The following DNAJC3 variants were observed in gnomAD, a reference collection of about 807,000 sequenced individuals.
The protein encoded by DNAJC3 is dnaJ homolog subfamily C member 3.
In DNAJC3, 38 loss-of-function variants were observed where a neutral mutation model predicts 68.6. The observed-to-expected ratio is 0.55, with a 90% CI of 0.43 to 0.73. DNAJC3 has a LOEUF of 0.73. Ranked by LOEUF, DNAJC3 falls within the 30% of genes least tolerant of loss-of-function variation. DNAJC3 has a pLI of 0.00. For synonymous variants in DNAJC3, 203 were observed against 204.0 expected, an observed-to-expected ratio of 1.00 and a Z score of 0.04; for missense variants, 526 against 591.9, an observed-to-expected ratio of 0.89 and a Z score of 1.16.
chr13:95,714,412 T>TAAA lies in DNAJC3; in HGVS notation c.193+5090_193+5092dup, dbSNP rs58381820. ...TCCTTCTCTGTCTTGCTTTTTTTCT[T>TAAA]AAAAAAAAAAAAAAAAAGGTGCAGT... is the stretch of plus-strand genomic sequence containing the variant. On this transcript the variant is annotated intron_variant, in intron 2 of 11. Transcript: ENST00000602402. 5.1e-3 allele frequency among the ~76,000 whole-genome samples: 694 copies of TAAA among 135,296 alleles called. 6 individuals are homozygous for TAAA. The highest frequency in any genetic ancestry group is 0.018 in the African/African-American group (651 of 37,114). 88.8% of individuals were successfully genotyped at this position (135,296 alleles called of 152,430 possible).
intron 4 of DNAJC3, among the ~76,000 whole-genome samples, chr13:95,741,498 A>G (rs1045202235): frequency 6.6e-6 from 1 of 152,178 alleles, no homozygotes; most frequent in African/African-American, 2.4e-5. Flanking sequence ...AAGGTGGCGT[A>G]TGCTGGCATT....
chr13:95,727,432 ACTTGTAGAGTGTT>A (rs910092363), intron 4 of DNAJC3, among the ~76,000 whole-genome samples: 2 of 152,164 alleles, frequency 1.3e-5, no homozygotes, highest in African/African-American at 4.8e-5. Context: ...TGGCAGTCAT[ACTTGTAGAGTGTT>A]CTTAAAGCAA....
chr13:95,734,256 T>C (rs1488046168), intron 4 of DNAJC3, among the ~76,000 whole-genome samples: 1 of 152,196 alleles, frequency 6.6e-6, no homozygotes, highest in African/African-American at 2.4e-5. Context: ...AAAGGCTTTA[T>C]TTTTCTCCTT....
intron 1 of DNAJC3, among the ~76,000 whole-genome samples, chr13:95,681,466 T>G (rs987421109): frequency 6.6e-6 from 1 of 152,180 alleles, no homozygotes; most frequent in Non-Finnish European, 1.5e-5. Flanking sequence ...TCCTCCCATC[T>G]CAGCCTCCTG....
intron 1 of DNAJC3, among the ~76,000 whole-genome samples, chr13:95,701,102 T>G (rs888349121): frequency 2.6e-5 from 4 of 152,200 alleles, no homozygotes; most frequent in Non-Finnish European, 5.9e-5. Flanking sequence ...TTCCTTCAGG[T>G]TTCAGGTGAG....
chr13:95,691,749 C>T (rs909125023), intron 1 of DNAJC3, among the ~76,000 whole-genome samples: 13 of 152,230 alleles, frequency 8.5e-5, no homozygotes, highest in African/African-American at 2.9e-4. Context: ...CGCCACTGCA[C>T]TCCAGCCTGG....
intron 4 of DNAJC3, among the ~76,000 whole-genome samples, chr13:95,730,314 A>G (rs1321397771): frequency 2.0e-5 from 3 of 152,132 alleles, no homozygotes; most frequent in African/African-American, 7.2e-5. Context: ...TTAGTTTAAT[A>G]TAATACCATT....
intron 1 of DNAJC3, among the ~76,000 whole-genome samples, chr13:95,696,414 A>G (rs1484730094): frequency 6.6e-6 from 1 of 152,152 alleles, no homozygotes; most frequent in Non-Finnish European, 1.5e-5. Flanking sequence ...ATTGAAACTA[A>G]GATTGCCCAC....
At chr13:95,719,451 A>G (rs1881250704) in intron 2 of DNAJC3, among the ~76,000 whole-genome samples, 1 of 152,170 alleles carries the variant, frequency 6.6e-6, no homozygotes, top group Admixed American at 6.6e-5. Context: ...AACCTTCAAC[A>G]ACCCGAGGAG....
chr13:95,731,931 G>A (rs1881730298), intron 4 of DNAJC3, among the ~76,000 whole-genome samples: 1 of 147,670 alleles, frequency 6.8e-6, no homozygotes, highest in African/African-American at 2.5e-5. Flanking sequence ...TTTGAGACTG[G>A]GTCGCACTTT....
intron 2 of DNAJC3, among the ~76,000 whole-genome samples, chr13:95,716,424 G>A (rs753895789): frequency 4.6e-5 from 7 of 152,316 alleles, no homozygotes; most frequent in Non-Finnish European, 7.4e-5. Context: ...CTTCAGCTAC[G>A]CCATCTGCAG....
intron 2 of DNAJC3, among the ~76,000 whole-genome samples, chr13:95,712,374 CTT>C (rs71113952): frequency 1.1e-4 from 15 of 135,164 alleles, no homozygotes; most frequent in Admixed American, 1.5e-4. Context: ...ATGCTTTTTT[CTT>C]TTTTTTTTTT....
At chr13:95,723,496 C>A in intron 3 of DNAJC3, 130 bp downstream of exon 3, 1 of 997,148 alleles carries the variant, frequency 1.0e-6, no homozygotes, top group African/African-American at 1.6e-5. Flanking sequence ...ATGTTGTGGA[C>A]TGAGGAACAA....
intron 9 of DNAJC3, among the ~76,000 whole-genome samples, chr13:95,767,850 T>G (rs1752923030): frequency 6.6e-6 from 1 of 151,502 alleles, no homozygotes; most frequent in Non-Finnish European, 1.5e-5. Context: ...CCACCACACC[T>G]GGCTTTTTTT....
intron 4 of DNAJC3, 87 bp downstream of exon 4, chr13:95,725,339 A>G: frequency 1.1e-6 from 1 of 926,422 alleles, no homozygotes. Context: ...GTTAATAGTA[A>G]TTTTATAGCT....
chr13:95,785,433 A>G (rs1883569278), intron 9 of DNAJC3, among the ~76,000 whole-genome samples: 1 of 139,860 alleles, frequency 7.2e-6, no homozygotes, highest in African/African-American at 2.7e-5. Context: ...CTCAGTTTTC[A>G]TTATTATGCC....
chr13:95,771,177 G>A (rs1193283905), intron 9 of DNAJC3, among the ~76,000 whole-genome samples: 1 of 152,064 alleles, frequency 6.6e-6, no homozygotes, highest in African/African-American at 2.4e-5. Flanking sequence ...TCATTAACTT[G>A]AATTTGTTTA....
At chr13:95,723,427 GT>G in intron 3 of DNAJC3, 61 bp downstream of exon 3, 1 of 1,560,006 alleles carries the variant, frequency 6.4e-7, no homozygotes, top group South Asian at 1.2e-5. Context: ...GAGATAATTT[GT>G]TTCATAAGGT....
intron 4 of DNAJC3, among the ~76,000 whole-genome samples, chr13:95,733,107 A>G (rs769995239): frequency 4.6e-5 from 7 of 152,114 alleles, no homozygotes; most frequent in Non-Finnish European, 8.8e-5. Flanking sequence ...TGTATATTCT[A>G]CTGTTTTAGG....
Sources: allele counts gnomAD v4.1 joint callset (sites outside exome capture counted in the v4.1 genomes callset), GRCh38; gene constraint gnomAD v4.1.1; transcripts MANE v1.5; gene names NCBI Gene and HGNC (gene_info 2026-07-23, HGNC 2026-07-21).